The following ETHE1 variants were observed in gnomAD, a reference collection of about 807,000 sequenced individuals.
The protein encoded by ETHE1 is ETHE1 persulfide dioxygenase, also known as persulfide dioxygenase ETHE1, mitochondrial.
Under a neutral mutation model 25.7 loss-of-function variants are expected in ETHE1, and 16 were observed. The ratio of observed to expected loss-of-function variants is 0.62; its 90% CI spans 0.42 to 0.95. The LOEUF (loss-of-function observed/expected upper bound fraction) is 0.95. Among genes scored for constraint, ETHE1 ranks in the 40% least tolerant of loss-of-function variants. The pLI is 0.00. For synonymous variants in ETHE1, 139 were observed against 135.9 expected (o/e 1.02, Z -0.16); for missense variants, 300 against 333.6 (o/e 0.90, Z 0.79).
chr19:43,525,125 T>TAAA (rs60796262), intron 3 of ETHE1, among the ~76,000 whole-genome samples: 3 of 90,596 alleles, frequency 3.3e-5, no homozygotes, highest in African/African-American at 1.3e-4. Flanking sequence ...CAGTCTCAAA[T>TAAA]AAAAAAAAAA....
At chr19:43,518,367 A>C (rs1047343809) in intron 3 of ETHE1, among the ~76,000 whole-genome samples, 3 of 151,850 alleles carry the variant, frequency 2.0e-5, no homozygotes, top group African/African-American at 7.3e-5. Context: ...AAAAAGAAAG[A>C]AAAAAGAAAA....
At chr19:43,521,692 A>G (rs1972142345) in intron 3 of ETHE1, among the ~76,000 whole-genome samples, 1 of 151,992 alleles carries the variant, frequency 6.6e-6, no homozygotes, top group African/African-American at 2.4e-5. Context: ...AAAGAAAGAA[A>G]GAAAACTCAT....
At chr19:43,520,584 C>T (rs1972119668) in intron 3 of ETHE1, among the ~76,000 whole-genome samples, 1 of 151,844 alleles carries the variant, frequency 6.6e-6, no homozygotes, top group African/African-American at 2.4e-5. Context: ...ACCTGTAGTT[C>T]CAGCTATTTG....
At chr19:43,518,419 T>C (rs1040692891) in intron 3 of ETHE1, among the ~76,000 whole-genome samples, 2 of 151,968 alleles carry the variant, frequency 1.3e-5, no homozygotes, top group African/African-American at 4.8e-5. Context: ...TGGAGACATC[T>C]GAACACAGCT....
In ETHE1 at chr19:43,506,823, G is replaced by T; in HGVS notation, c.*27C>A. On this transcript the variant is annotated 3_prime_UTR_variant, in exon 7 of 7. Transcript: ENST00000292147. Reference sequence around the variant, plus strand: ...TCCTCCCACCTAGTGCATTAATAGTGGATGGGAGCATCTGACAGAAGTGAG... The same window carrying T: ...TCCTCCCACCTAGTGCATTAATAGTTGATGGGAGCATCTGACAGAAGTGAG... 6.2e-7 allele frequency: 1 copy of T among 1,606,238 alleles called. No homozygotes were observed. The highest frequency in any genetic ancestry group is 1.1e-5 in the South Asian group (1 of 90,914).
chr19:43,526,391 G>T, intron 2 of ETHE1, 42 bp from the exon 3 acceptor site: 3 of 1,613,160 alleles, frequency 1.9e-6, no homozygotes, highest in Non-Finnish European at 2.5e-6. Context: ...GTACAGAAAG[G>T]ACCTGGGAGT....
At chr19:43,508,419 C>T (rs1971839222) in intron 5 of ETHE1, among the ~76,000 whole-genome samples, 1 of 147,006 alleles carries the variant, frequency 6.8e-6, no homozygotes, top group Non-Finnish European at 1.5e-5. Flanking sequence ...ACAATCATAG[C>T]TCACTGCAGC....
At chr19:43,507,741 A>T (rs1196530534) in intron 6 of ETHE1, 2 of 425,220 alleles carry the variant, frequency 4.7e-6, no homozygotes, top group Non-Finnish European at 8.2e-6. Flanking sequence ...CCAGGAGTCC[A>T]GTCCCCCAGC....
intron 3 of ETHE1, among the ~76,000 whole-genome samples, chr19:43,524,388 T>C (rs1428986391): frequency 3.4e-5 from 3 of 87,610 alleles, no homozygotes; most frequent in Non-Finnish European, 7.1e-5. Flanking sequence ...CTGTCTCAAA[T>C]TAAAAAAAAA....
rs374909120 is a variant in ETHE1, at chr19:43,526,263, G to A, written c.313C>T (p.Leu105Phe). The change falls in exon 3 of 7, where the codon CTT becomes TTT. Residue 105 changes from leucine (L) to phenylalanine (F), a missense_variant. Leu to Phe is a conservative substitution (Grantham distance 22, BLOSUM62 0). Coordinates refer to ENST00000292147, the MANE Select transcript of ETHE1 (RefSeq NM_014297.5). ...TGTAAGTCAGCCTGGGCCCCACTAA[G>A]GCGGGAGATGACAGACTGGCAGCCA... Reference protein sequence around the residue: ...LPGCQSVISRLSGAQADLHIE... With the variant: ...LPGCQSVISRFSGAQADLHIE... 6.2e-7 allele frequency: 1 copy of A among 1,614,072 alleles called. No homozygotes were observed. Among genetic ancestry groups the A allele is most frequent in the Non-Finnish European group, 8.5e-7 (1 of 1,180,042 alleles).
At chr19:43,526,069 C>G in intron 3 of ETHE1, 132 bp downstream of exon 3, 1 of 1,393,328 alleles carries the variant, frequency 7.2e-7, no homozygotes, top group Non-Finnish European at 1.0e-6. Flanking sequence ...AATATGAGCT[C>G]AGGGGTCAGA....
rs770231147 is a variant in ETHE1, at chr19:43,526,549, C to T, written c.192G>A (p.Leu64=). 2 of 1,613,774 alleles carry T rather than the reference C, an allele frequency of 1.2e-6. No homozygotes were observed. Among genetic ancestry groups the T allele is most frequent in the African/African-American group, 2.7e-5 (2 of 74,930 alleles). The change falls in exon 2 of 7, where the codon CTG becomes CTA. Residue 64 remains leucine (L), a synonymous_variant. Coordinates refer to ENST00000292147, the MANE Select transcript of ETHE1 (RefSeq NM_014297.5). ...GCAGCCGCAGCCCCAGCTCCTTGATCAGCTGGGCATCCCGAGGCGCTGTTT... is the reference window on the plus strand; with the variant it reads ...GCAGCCGCAGCCCCAGCTCCTTGATTAGCTGGGCATCCCGAGGCGCTGTTT... ...VLETAPRDAQ[L]IKELGLRLLY... is the part of the protein sequence containing the mutation.
chr19:43,527,031 C>T, intron 1 of ETHE1, 66 bp downstream of exon 1: 4 of 1,540,616 alleles, frequency 2.6e-6, no homozygotes, highest in South Asian at 1.2e-5. Context: ...ATTAAGAGAC[C>T]CCGGAGTTCC....
Position 43,506,723 on chromosome 19 carries a change from G to T in ETHE1, c.*127C>A. The T allele has an allele frequency of 2.2e-6, 2 of 910,346 alleles. No homozygotes were observed. The highest frequency in any genetic ancestry group is 3.6e-6 in the Non-Finnish European group (2 of 563,358). 56.4% of individuals were successfully genotyped at this position (910,346 alleles called of 1,614,324 possible). A position where few individuals can be genotyped will look rare whatever the true frequency, so the allele number is the denominator to read the frequency against. ...GAAAATAGGTAGAAGTCAGACTCAC[G>T]TTAAAAAAAGTTTTATTTAGGGAGC... On this transcript the variant is annotated 3_prime_UTR_variant, in exon 7 of 7. Transcript: ENST00000292147.
rs2146019555 is a variant in ETHE1 at position 43,526,522 on chromosome 19, G to C, written c.219C>G (p.Leu73=). 6.2e-7 allele frequency: 1 copy of C among 1,613,376 alleles called. No individual in the cohort carries two copies. Among genetic ancestry groups the C allele is most frequent in the Non-Finnish European group, 8.5e-7 (1 of 1,179,738 alleles). Reference sequence around the variant, plus strand: ...TTTGGTCCCCGGACTGACCAGCATAGAGCAGCCGCAGCCCCAGCTCCTTGA... The same window carrying C: ...TTTGGTCCCCGGACTGACCAGCATACAGCAGCCGCAGCCCCAGCTCCTTGA... ...QLIKELGLRL[L]YAVNTHCHAD... is the part of the protein sequence containing the mutation. Residue 73 remains leucine, a synonymous_variant, in exon 2 of 7, where the codon CTC becomes CTG. Coordinates refer to ENST00000292147, the MANE Select transcript of ETHE1 (RefSeq NM_014297.5).
chr19:43,509,428 C>T (rs1301538517), intron 4 of ETHE1, among the ~76,000 whole-genome samples: 9 of 149,242 alleles, frequency 6.0e-5, no homozygotes, highest in African/African-American at 2.0e-4. Flanking sequence ...ACCCAGGAGG[C>T]GGAGGTTGCA....
rs376275256 is a variant in ETHE1 at position 43,526,360 on chromosome 19, G to C, written c.227-11C>G. 5.2e-5 allele frequency: 84 copies of C among 1,614,138 alleles called. No individual in the cohort carries two copies. In the African/African-American group the frequency reaches 9.6e-4, roughly 18 times the overall value. ...GGCAGTGGGTATTCACTGGGAGAGA[G>C]AGGAGGGACAGGTCCGGAGGGTACA... On this transcript the variant is annotated splice_polypyrimidine_tract_variant and intron_variant, in intron 2 of 6. Coordinates refer to ENST00000292147, the MANE Select transcript of ETHE1 (RefSeq NM_014297.5).
chr19:43,506,781 G>T lies in ETHE1; in HGVS notation c.*69C>A. On this transcript the variant is annotated 3_prime_UTR_variant, in exon 7 of 7. Coordinates refer to ENST00000292147, the MANE Select transcript of ETHE1 (RefSeq NM_014297.5). ...AATGCGGTGGGAAAGGAGAGGTGCAGTGTCATTGCCGCCCTCTCCTCCCAC... is the reference window on the plus strand; with the variant it reads ...AATGCGGTGGGAAAGGAGAGGTGCATTGTCATTGCCGCCCTCTCCTCCCAC... The T allele has an allele frequency of 7.1e-7, 1 of 1,402,264 alleles. No homozygotes were observed. 86.9% of individuals were successfully genotyped at this position (1,402,264 alleles called of 1,614,324 possible).
rs74260419 is a variant in ETHE1 at position 43,521,572 on chromosome 19, C to T, written c.375+4629G>A. 3.0e-4 allele frequency among the ~76,000 whole-genome samples: 45 copies of T among 151,130 alleles called. No individual in the cohort carries two copies. In the East Asian group the frequency reaches 5.1e-3, roughly 17 times the overall value. ...TGCTGTGATAAACCCTGTGTTTTAG[C>T]GCAGGGAACTGAGGCTCCCAGAGGG... is the stretch of plus-strand genomic sequence containing the variant. On this transcript the variant is annotated intron_variant, in intron 3 of 6. Transcript: ENST00000292147.
Sources: allele counts gnomAD v4.1 joint callset (sites outside exome capture counted in the v4.1 genomes callset), GRCh38; gene constraint gnomAD v4.1.1; transcripts MANE v1.5; gene names NCBI Gene and HGNC (gene_info 2026-07-23, HGNC 2026-07-21).